Variants in CCDC152 observed in about 807,000 individuals in gnomAD.
The protein encoded by CCDC152 is coiled-coil domain containing 152.
In CCDC152, 37 loss-of-function variants were observed where a neutral mutation model predicts 38.1. The ratio of observed to expected loss-of-function variants is 0.97; its 90% CI spans 0.75 to 1.28. The LOEUF is 1.28. CCDC152 is among the 50% of genes most tolerant of loss of function. The pLI, the probability that CCDC152 is intolerant of heterozygous loss-of-function variation, is 0.00. For synonymous variants in CCDC152, 83 were observed against 87.1 expected, an observed-to-expected ratio of 0.95 and a Z score of 0.26; for missense variants, 259 against 292.1, an observed-to-expected ratio of 0.89 and a Z score of 0.83.
intron 3 of CCDC152, among the ~76,000 whole-genome samples, chr5:42,767,970 T>C (rs951496627): frequency 4.6e-5 from 7 of 152,228 alleles, no homozygotes; most frequent in African/African-American, 1.7e-4. Flanking sequence ...TACTGGGAAA[T>C]AGCAGGATAG....
chr5:42,762,733 C>T (rs1579704799), intron 3 of CCDC152, among the ~76,000 whole-genome samples, 185 bp downstream of exon 3: 1 of 152,136 alleles, frequency 6.6e-6, no homozygotes, highest in Admixed American at 6.5e-5. Context: ...TATTACTCTA[C>T]CTCACCAATG....
chr5:42,782,428 G>T (rs545208816), intron 5 of CCDC152, among the ~76,000 whole-genome samples: 1 of 152,230 alleles, frequency 6.6e-6, no homozygotes, highest in South Asian at 2.1e-4. Context: ...AAAAGACATT[G>T]TTTCTGTAAT....
At chr5:42,780,731 T>C (rs1412150297) in intron 5 of CCDC152, among the ~76,000 whole-genome samples, 1 of 152,162 alleles carries the variant, frequency 6.6e-6, no homozygotes, top group Non-Finnish European at 1.5e-5. Flanking sequence ...CTAAAATTCA[T>C]GGAGAAAACT....
At chr5:42,796,191 T>C (rs958276005) in intron 6 of CCDC152, among the ~76,000 whole-genome samples, 3 of 151,054 alleles carry the variant, frequency 2.0e-5, no homozygotes, top group Non-Finnish European at 4.4e-5. Flanking sequence ...TGTATACATA[T>C]GTAACTAACC....
chr5:42,799,330 C>T (rs1377732707), intron 7 of CCDC152, 45 bp from the exon 8 acceptor site: 1 of 970,758 alleles, frequency 1.0e-6, no homozygotes, highest in African/African-American at 1.7e-5. Context: ...ACAATTGTTT[C>T]TAATTGTCTA....
At chr5:42,760,040 C>T (rs1271275157) in intron 2 of CCDC152, among the ~76,000 whole-genome samples, 2 of 151,868 alleles carry the variant, frequency 1.3e-5, no homozygotes, top group Non-Finnish European at 2.9e-5. Flanking sequence ...CACGGTGGCT[C>T]ACTCCTGTAA....
At position 42,781,632 on chromosome 5, in the gene CCDC152, T is replaced by C. The variant is rs1419311703; in HGVS notation, c.328-1842T>C. 3.2e-4 allele frequency among the ~76,000 whole-genome samples: 48 copies of C among 151,986 alleles called. 1 individual carries two copies. The highest frequency in any genetic ancestry group is 3.1e-3 in the Admixed American group (48 of 15,262). ...ATAATTTTACCTTAAAATTTGGAAG[T>C]TGATCAAAAGCCTATTCACTGGCTC... On this transcript the variant is annotated intron_variant, in intron 5 of 8. Transcript: ENST00000361970.
chr5:42,799,736 C>A lies in CCDC152; in HGVS notation c.720C>A (p.Arg240=), dbSNP rs560493811. 1 of 1,551,260 alleles carries A rather than the reference C, an allele frequency of 6.4e-7. No homozygotes were observed. Among genetic ancestry groups the A allele is most frequent in the South Asian group, 1.2e-5 (1 of 83,976 alleles). ...LRNTIRDLEQ[R]LSVGKDSHLK... ...ATACCATTCGCGATTTAGAGCAACGCCTTTCTGTTGGCAAAGATTCTCACC... is the reference window on the plus strand; with the variant it reads ...ATACCATTCGCGATTTAGAGCAACGACTTTCTGTTGGCAAAGATTCTCACC... The change falls in exon 9 of 9, where the codon CGC becomes CGA. Residue 240 remains arginine, a synonymous_variant. Coordinates refer to ENST00000361970, the MANE Select transcript of CCDC152 (RefSeq NM_001134848.2).
chr5:42,799,419 T>C lies in CCDC152; in HGVS notation c.603T>C (p.Tyr201=), dbSNP rs1281742630. ...LARVQTKSKS[Y]QDSTVLPQSI... ...GAGTTCAGACTAAATCAAAATCATA[T>C]CAGGATTCTACTGTTTTGCCACAAA... Residue 201 remains tyrosine (Y), a synonymous_variant, in exon 8 of 9, where the codon TAT becomes TAC. Transcript: ENST00000361970. 2 of 1,546,388 alleles carry C rather than the reference T, an allele frequency of 1.3e-6. No homozygotes were observed. Among genetic ancestry groups the C allele is most frequent in the South Asian group, 1.2e-5 (1 of 82,888 alleles).
chr5:42,771,713 G>A (rs1162869179), intron 4 of CCDC152, among the ~76,000 whole-genome samples: 1 of 152,088 alleles, frequency 6.6e-6, no homozygotes, highest in Non-Finnish European at 1.5e-5. Flanking sequence ...TGCCAAAACT[G>A]AGTCAGAAAT....
chr5:42,758,678 A>G (rs1759511621), intron 1 of CCDC152, among the ~76,000 whole-genome samples: 1 of 152,240 alleles, frequency 6.6e-6, no homozygotes. Context: ...ACAAGACAAT[A>G]GAAATGCAGA....
intron 8 of CCDC152, 50 bp downstream of exon 8, chr5:42,799,508 CAT>C: frequency 7.8e-7 from 1 of 1,277,844 alleles, no homozygotes; most frequent in South Asian, 1.4e-5. Flanking sequence ...ACTTTCTAAG[CAT>C]GTTTCTATAA....
intron 4 of CCDC152, among the ~76,000 whole-genome samples, chr5:42,774,824 A>AT (rs1409733071): frequency 6.6e-6 from 1 of 152,244 alleles, no homozygotes; most frequent in Non-Finnish European, 1.5e-5. Flanking sequence ...TGGCAGGGAT[A>AT]TTGGAATTAT....
intron 5 of CCDC152, among the ~76,000 whole-genome samples, chr5:42,782,672 T>A (rs1759861873): frequency 6.6e-6 from 1 of 152,084 alleles, no homozygotes; most frequent in African/African-American, 2.4e-5. Flanking sequence ...AGAGTAGTTT[T>A]TTAATGTTCT....
At chr5:42,795,906 A>G (rs1760068169) in intron 6 of CCDC152, among the ~76,000 whole-genome samples, 1 of 151,784 alleles carries the variant, frequency 6.6e-6, no homozygotes, top group South Asian at 2.1e-4. Context: ...AATACTATGC[A>G]GCCATAAAAA....
chr5:42,783,152 G>A (rs1364776887), intron 5 of CCDC152, among the ~76,000 whole-genome samples: 2 of 151,940 alleles, frequency 1.3e-5, no homozygotes, highest in African/African-American at 4.8e-5. Flanking sequence ...TTACAAGCGT[G>A]AGCCACCACA....
At chr5:42,779,594 G>C in intron 5 of CCDC152, 72 bp downstream of exon 5, 1 of 836,770 alleles carries the variant, frequency 1.2e-6, no homozygotes, top group Non-Finnish European at 1.8e-6. Flanking sequence ...GAAAAAAAAA[G>C]AGGTTTTTAA....
chr5:42,762,654 T>C, intron 3 of CCDC152, 106 bp downstream of exon 3: 1 of 691,100 alleles, frequency 1.4e-6, no homozygotes, highest in Non-Finnish European at 2.5e-6. Context: ...TAAGTCCACA[T>C]AGAATTTTCC....
chr5:42,785,356 G>A (rs1053939503), intron 6 of CCDC152, among the ~76,000 whole-genome samples: 4 of 151,950 alleles, frequency 2.6e-5, no homozygotes, highest in Non-Finnish European at 5.9e-5. Context: ...TGTGTGTATG[G>A]TAATTGTTAA....
Sources: allele counts gnomAD v4.1 joint callset (sites outside exome capture counted in the v4.1 genomes callset), GRCh38; gene constraint gnomAD v4.1.1; transcripts MANE v1.5; gene names NCBI Gene and HGNC (gene_info 2026-07-23, HGNC 2026-07-21).